Variants in MAST2 observed in about 807,000 individuals in gnomAD.
The protein encoded by MAST2 is microtubule-associated serine/threonine-protein kinase 2.
In MAST2, 70 loss-of-function variants were observed where a neutral mutation model predicts 147.4. The ratio of observed to expected loss-of-function variants is 0.47; its 90% CI spans 0.39 to 0.58. The LOEUF is 0.58. MAST2 is among the 20% of genes least tolerant of loss of function. The pLI is 0.00. For missense variants in MAST2, 2,080 were observed against 2,302.3 expected, an observed-to-expected ratio of 0.90 and a Z score of 1.98; for synonymous variants, 869 against 896.8, an observed-to-expected ratio of 0.97 and a Z score of 0.55.
intron 4 of MAST2, among the ~76,000 whole-genome samples, chr1:45,938,467 G>A (rs1470132086): frequency 1.3e-5 from 2 of 152,014 alleles, no homozygotes; most frequent in African/African-American, 2.4e-5. Flanking sequence ...GGGACCACAG[G>A]TGCACACCAC....
chr1:45,910,374 AAATT>A (rs201026469), intron 4 of MAST2, among the ~76,000 whole-genome samples: 2 of 152,150 alleles, frequency 1.3e-5, no homozygotes, highest in South Asian at 2.1e-4. Context: ...TAAATATTCA[AAATT>A]AATTTAAATA....
intron 3 of MAST2, among the ~76,000 whole-genome samples, chr1:45,845,093 C>G (rs900836301): frequency 1.3e-5 from 2 of 152,088 alleles, no homozygotes; most frequent in Non-Finnish European, 2.9e-5. Context: ...AATTAAATTT[C>G]CAGCACATGG....
At position 45,899,307 on chromosome 1, in the gene MAST2, CT is replaced by C. The variant is rs770069959; in HGVS notation, c.500+16932del. On this transcript the variant is annotated intron_variant, in intron 4 of 28. Transcript: ENST00000361297. ...GCCAAAAATATTTTTCCTTTCTTTT[CT>C]TTTTTTTTTTTTTTTTTTTAGATTC... 1.9e-3 allele frequency among the ~76,000 whole-genome samples: 205 copies of C among 108,026 alleles called. 2 individuals carry two copies. Among genetic ancestry groups the C allele is most frequent in the Middle Eastern group, 6.5e-3 (1 of 154 alleles). 70.9% of individuals were successfully genotyped at this position (108,026 alleles called of 152,430 possible).
intron 1 of MAST2, among the ~76,000 whole-genome samples, chr1:45,805,981 T>C (rs947634383): frequency 2.0e-5 from 3 of 152,382 alleles, no homozygotes; most frequent in Non-Finnish European, 2.9e-5. Flanking sequence ...TCTTCACTTA[T>C]GCTTTCCCAA....
chr1:45,934,188 G>C (rs569549770), intron 4 of MAST2, among the ~76,000 whole-genome samples: 1 of 152,148 alleles, frequency 6.6e-6, no homozygotes, highest in Non-Finnish European at 1.5e-5. Context: ...TTCTGTTCCT[G>C]CATTAATTCA....
intron 4 of MAST2, among the ~76,000 whole-genome samples, chr1:45,939,991 T>TTG: frequency 1.4e-5 from 2 of 138,830 alleles, no homozygotes; most frequent in African/African-American, 5.4e-5. Context: ...TTTTTTTTTT[T>TTG]TTTTTTTTTT....
intron 1 of MAST2, among the ~76,000 whole-genome samples, chr1:45,811,229 C>T (rs911495701): frequency 1.3e-5 from 2 of 150,624 alleles, no homozygotes; most frequent in Admixed American, 6.6e-5. Flanking sequence ...TGCGATGGCA[C>T]GATCTCGGCT....
chr1:45,926,132 C>T (rs1047766945), intron 4 of MAST2, among the ~76,000 whole-genome samples: 2 of 152,156 alleles, frequency 1.3e-5, no homozygotes, highest in Non-Finnish European at 2.9e-5. Context: ...TGTTCTTATC[C>T]TGGCCCTGCT....
intron 4 of MAST2, among the ~76,000 whole-genome samples, chr1:45,944,428 A>C (rs1657751045): frequency 6.6e-6 from 1 of 152,134 alleles, no homozygotes; most frequent in South Asian, 2.1e-4. Flanking sequence ...AATTAATACA[A>C]CTTAATATTA....
chr1:46,031,517 C>G lies in MAST2; in HGVS notation c.3119C>G (p.Thr1040Ser), dbSNP rs1237875617. ...TCTGGGGACTCAACAGAGAAGCGCA[C>G]TGCTCGCCCTGTCAACAAAGTGATC... is the stretch of plus-strand genomic sequence containing the variant. ...LLSGDSTEKR[T>S]ARPVNKVIKS... The change falls in exon 24 of 29, where the codon ACT becomes AGT. Residue 1040 changes from threonine (T) to serine (S), a missense_variant. Physicochemically the swap from Thr to Ser is moderately conservative, Grantham distance 58 (BLOSUM62 1). Transcript: ENST00000361297. The surrounding 1 kb of genome is among the most constrained non-coding windows in gnomAD (Gnocchi z 4.1). 1.2e-5 allele frequency: 20 copies of G among 1,614,074 alleles called. No homozygotes were observed. The highest frequency in any genetic ancestry group is 1.5e-5 in the Non-Finnish European group (18 of 1,180,020).
intron 4 of MAST2, among the ~76,000 whole-genome samples, chr1:45,937,331 C>CTGTT (rs1351508757): frequency 6.6e-6 from 1 of 151,468 alleles, no homozygotes; most frequent in Non-Finnish European, 1.5e-5. Context: ...TGGGATCTCT[C>CTGTT]TGTTGCTCAG....
chr1:45,963,912 G>A (rs932703968), intron 5 of MAST2, among the ~76,000 whole-genome samples: 1 of 151,788 alleles, frequency 6.6e-6, no homozygotes, highest in Non-Finnish European at 1.5e-5. Flanking sequence ...TTTATTGAGA[G>A]TTTTTAGCAT....
chr1:45,844,902 C>G (rs148380728), intron 3 of MAST2, among the ~76,000 whole-genome samples: 5 of 152,184 alleles, frequency 3.3e-5, no homozygotes, highest in Non-Finnish European at 7.4e-5. Flanking sequence ...GATCAAGGTA[C>G]CAGCATCTGA....
intron 5 of MAST2, among the ~76,000 whole-genome samples, chr1:45,991,436 T>C (rs528659173): frequency 6.6e-6 from 1 of 152,354 alleles, no homozygotes; most frequent in Admixed American, 6.5e-5. Context: ...GCTTGGATTT[T>C]GATTGGGATT....
chr1:45,880,966 C>CAA (rs10660375), intron 3 of MAST2, among the ~76,000 whole-genome samples: 28,945 of 89,300 alleles, frequency 0.32, 3,573 homozygotes, highest in South Asian at 0.43. Context: ...GACTCCATCT[C>CAA]AAAAAAAAAA....
At chr1:45,846,429 C>G (rs942226325) in intron 3 of MAST2, among the ~76,000 whole-genome samples, 2 of 152,068 alleles carry the variant, frequency 1.3e-5, no homozygotes, top group Admixed American at 6.6e-5. Context: ...TTGCTCCCCC[C>G]GGCCTGAAAT....
At chr1:45,975,101 G>A (rs1272553707) in intron 5 of MAST2, among the ~76,000 whole-genome samples, 1 of 152,148 alleles carries the variant, frequency 6.6e-6, no homozygotes, top group African/African-American at 2.4e-5. Flanking sequence ...AAGGGCATGT[G>A]AAATCCAACA....
At chr1:45,828,549 A>G (rs1644859003) in intron 2 of MAST2, among the ~76,000 whole-genome samples, 1 of 152,224 alleles carries the variant, frequency 6.6e-6, no homozygotes, top group Non-Finnish European at 1.5e-5. Context: ...ACATGAACAC[A>G]TTTTTGTTGG....
intron 1 of MAST2, among the ~76,000 whole-genome samples, chr1:45,811,131 G>T (rs1173894409): frequency 6.7e-6 from 1 of 149,778 alleles, no homozygotes; most frequent in Non-Finnish European, 1.5e-5. Flanking sequence ...GATTACAGGC[G>T]TGGGCCACCG....
Sources: allele counts gnomAD v4.1 joint callset (sites outside exome capture counted in the v4.1 genomes callset), GRCh38; gene constraint gnomAD v4.1.1; non-coding constraint Gnocchi (gnomAD v3.1); transcripts MANE v1.5; gene names NCBI Gene and HGNC (gene_info 2026-07-23, HGNC 2026-07-21).